The following SF3B2 variants were observed in gnomAD, a reference collection of about 807,000 sequenced individuals.
The protein encoded by SF3B2 is SAP 145.
Under a neutral mutation model 116.3 loss-of-function variants are expected in SF3B2, and 22 were observed. The ratio of observed to expected loss-of-function variants is 0.19; its 90% CI spans 0.14 to 0.27. The LOEUF is 0.27. SF3B2 is among the 10% of genes least tolerant of loss of function. The pLI is 1.00. For missense variants in SF3B2, 767 were observed against 1,151.4 expected (o/e 0.67, Z 4.83); for synonymous variants, 406 against 421.6 (o/e 0.96, Z 0.45).
chr11:66,053,220 C>A, intron 3 of SF3B2, 116 bp downstream of exon 3: 2 of 970,262 alleles, frequency 2.1e-6, no homozygotes, highest in Non-Finnish European at 3.3e-6. Context: ...GCACATTACT[C>A]GCCTGACCTG....
At chr11:66,060,097 C>G in intron 13 of SF3B2, 88 bp downstream of exon 13, 1 of 1,060,016 alleles carries the variant, frequency 9.4e-7, no homozygotes, top group Non-Finnish European at 1.4e-6. Flanking sequence ...GGTTTGAAAC[C>G]CACCTACCAC....
intron 3 of SF3B2, chr11:66,053,821 C>G (rs1856938485): frequency 1.3e-5 from 2 of 151,860 alleles, no homozygotes; most frequent in Admixed American, 1.3e-4. Flanking sequence ...ACCTATGTAA[C>G]AAACCTGCGC....
intron 21 of SF3B2, 131 bp downstream of exon 21, chr11:66,068,464 T>C (rs778416994): frequency 1.9e-6 from 2 of 1,047,292 alleles, no homozygotes; most frequent in Non-Finnish European, 2.7e-6. Context: ...TCCTTAGATT[T>C]GGAAGTCTTA....
rs373638001 is a variant in SF3B2 at position 66,055,047 on chromosome 11, C to T, written c.259-29C>T. ...TGCAGAATGAGTAGATAAATGCTTC[C>T]TAGTTTTATGATCATATTTTCTCCA... is the stretch of plus-strand genomic sequence containing the variant. On this transcript the variant is annotated intron_variant, in intron 3 of 21. Coordinates refer to ENST00000322535, the MANE Select transcript of SF3B2 (RefSeq NM_006842.3). 4.1e-5 allele frequency: 61 copies of T among 1,496,794 alleles called. 1 individual carries two copies. In the South Asian group the frequency reaches 6.8e-4, roughly 17 times the overall value. The allele number at this position is 1,496,794 out of a possible 1,614,324, so 92.7% of individuals were successfully genotyped here. A position where few individuals can be genotyped will look rare whatever the true frequency, so the allele number is the denominator to read the frequency against.
chr11:66,057,983 AAAAGAAAG>A (rs146037143), intron 7 of SF3B2, 63 bp from the exon 8 acceptor site: 6 of 1,096,232 alleles, frequency 5.5e-6, no homozygotes, highest in African/African-American at 3.3e-5. Context: ...AAAAAAAAAA[AAAAGAAAG>A]AAAGAAAAAA....
intron 5 of SF3B2, 58 bp downstream of exon 5, chr11:66,055,643 T>C (rs1856981172): frequency 1.3e-6 from 2 of 1,522,562 alleles, no homozygotes; most frequent in Non-Finnish European, 9.1e-7. Flanking sequence ...CTGTCATTTA[T>C]AGTGCTTAGA....
chr11:66,063,332 T>G, intron 17 of SF3B2, 68 bp from the exon 18 acceptor site: 1 of 1,499,788 alleles, frequency 6.7e-7, no homozygotes, highest in Non-Finnish European at 9.1e-7. Flanking sequence ...CCCCTTCAGC[T>G]TAAAACAGCC....
chr11:66,057,262 T>G lies in SF3B2; in HGVS notation c.668-4T>G. The stretch of plus-strand genomic sequence containing the variant: ...ACATTGGATTTCTTTTTCCCGTCTC[T>G]TAGTAGCTGCTCCAGTGGGCCCAGT... On this transcript the variant is annotated splice_polypyrimidine_tract_variant and splice_region_variant and intron_variant, in intron 6 of 21. Coordinates refer to ENST00000322535, the MANE Select transcript of SF3B2 (RefSeq NM_006842.3). 6.4e-7 allele frequency: 1 copy of G among 1,563,200 alleles called. No individual in the cohort carries two copies. The highest frequency in any genetic ancestry group is 8.8e-7 in the Non-Finnish European group (1 of 1,133,384).
At position 66,069,097 on chromosome 11, in the gene SF3B2, GC is replaced by G. The variant is rs1456815987; in HGVS notation, c.*353del. On this transcript the variant is annotated 3_prime_UTR_variant, in exon 22 of 22. Transcript: ENST00000322535. ...CACCACTGCCCTGCTTTGTAGGAAG[GC>G]TTGGGGGAAGTACCTCTAGGTCTGG... The G allele has an allele frequency of 5.4e-6, 2 of 370,468 alleles. No homozygotes were observed. The highest frequency in any genetic ancestry group is 1.1e-5 in the Non-Finnish European group (2 of 190,106). The allele number at this position is 370,468 out of a possible 1,614,324, so 22.9% of individuals were successfully genotyped here. A position where few individuals can be genotyped will look rare whatever the true frequency, so the allele number is the denominator to read the frequency against.
At chr11:66,053,510 T>C (rs1856929505) in intron 3 of SF3B2, 1 of 210,242 alleles carries the variant, frequency 4.8e-6, no homozygotes. Flanking sequence ...GAGACTCTGT[T>C]ACTACAAAAA....
intron 19 of SF3B2, chr11:66,067,678 C>T (rs2134478476): frequency 2.0e-6 from 1 of 504,310 alleles, no homozygotes; most frequent in South Asian, 1.9e-5. Context: ...CCTTTTGACC[C>T]TTATGTGCAT....
intron 6 of SF3B2, 152 bp downstream of exon 6, chr11:66,057,107 C>T (rs1857011880): frequency 1.2e-6 from 1 of 847,708 alleles, no homozygotes; most frequent in Admixed American, 1.8e-5. Context: ...GTACAACCAG[C>T]ACCTGGACCA....
chr11:66,056,945 G>T lies in SF3B2; in HGVS notation c.657G>T (p.Leu219=). 6.2e-7 allele frequency: 1 copy of T among 1,612,644 alleles called. No individual in the cohort carries two copies. Residue 219 remains leucine, a synonymous_variant, in exon 6 of 22, where the codon CTG becomes CTT. Coordinates refer to ENST00000322535, the MANE Select transcript of SF3B2 (RefSeq NM_006842.3). ...DMGQIGVRTP[L]GPRVAAPVGP... is the part of the protein sequence containing the mutation. ...GCCAGATTGGTGTGCGCACTCCTCT[G>T]GGTCCTCGAGGTGAGACCCTGGAAC...
At position 66,056,974 on chromosome 11, in the gene SF3B2, G is replaced by A. The variant is rs1476738581; in HGVS notation, c.667+19G>A. On this transcript the variant is annotated intron_variant, in intron 6 of 21. Transcript: ENST00000322535. The stretch of plus-strand genomic sequence containing the variant: ...CCTCGAGGTGAGACCCTGGAACCGA[G>A]GGGAAGGGCAAGGAAGGTGATTTAG... The A allele has an allele frequency of 6.4e-7, 1 of 1,561,118 alleles. No individual in the cohort carries two copies. Among genetic ancestry groups the A allele is most frequent in the Non-Finnish European group, 8.8e-7 (1 of 1,131,794 alleles).
intron 19 of SF3B2, chr11:66,064,663 G>C (rs1233937449): frequency 1.3e-5 from 2 of 152,042 alleles, no homozygotes; most frequent in Non-Finnish European, 2.9e-5. Flanking sequence ...TCTGCCTGAA[G>C]GGCTTCCTTT....
At position 66,057,488 on chromosome 11, in the gene SF3B2, G is replaced by A. The variant is rs971285048; in HGVS notation, c.777+113G>A. On this transcript the variant is annotated intron_variant, in intron 7 of 21. Coordinates refer to ENST00000322535, the MANE Select transcript of SF3B2 (RefSeq NM_006842.3). Reference sequence around the variant, plus strand: ...AAGATGGGGGGACTTAAATTCCTGGGGGTAGTGGGGAGCCCTTCTTATTTA... The same window carrying A: ...AAGATGGGGGGACTTAAATTCCTGGAGGTAGTGGGGAGCCCTTCTTATTTA... The A allele has an allele frequency of 4.5e-6, 3 of 660,060 alleles. No homozygotes were observed. In the East Asian group the frequency reaches 7.8e-5, roughly 17 times the overall value. The allele number at this position is 660,060 out of a possible 1,614,324, so 40.9% of individuals were successfully genotyped here.
chr11:66,052,898 C>T (rs1214038423), intron 2 of SF3B2, 129 bp from the exon 3 acceptor site: 4 of 1,228,754 alleles, frequency 3.3e-6, no homozygotes, highest in South Asian at 1.2e-5. Context: ...CCATCTTGGT[C>T]CTCTTCAGTG....
intron 19 of SF3B2, chr11:66,066,126 C>T (rs931990903): frequency 2.0e-5 from 3 of 152,262 alleles, no homozygotes; most frequent in South Asian, 2.1e-4. Context: ...CTGCCTGCCT[C>T]GGCCTCCCAA....
At chr11:66,066,555 A>C (rs932034367) in intron 19 of SF3B2, 1 of 152,190 alleles carries the variant, frequency 6.6e-6, no homozygotes, top group Non-Finnish European at 1.5e-5. Flanking sequence ...GAATATAGTT[A>C]TATGGAGATA....
Sources: allele counts gnomAD v4.1 joint callset, GRCh38; gene constraint gnomAD v4.1.1; transcripts MANE v1.5; gene names NCBI Gene and HGNC (gene_info 2026-07-23, HGNC 2026-07-21).